The following BMS1 variants were observed in gnomAD, a reference collection of about 807,000 sequenced individuals.
BMS1 encodes the protein BMS1 ribosome biogenesis factor.
BMS1 carries 53 observed loss-of-function variants against 138.7 expected under a neutral mutation model. The ratio of observed to expected loss-of-function variants is 0.38; its 90% confidence interval spans 0.31 to 0.48. The LOEUF is 0.48. Among genes scored for constraint, BMS1 ranks in the 20% least tolerant of loss-of-function variants. The pLI, the probability that BMS1 is intolerant of heterozygous loss-of-function variation, is 0.97. For missense variants in BMS1, 1,360 were observed against 1,565.5 expected (o/e 0.87, Z 2.22); for synonymous variants, 504 against 539.9 (o/e 0.93, Z 0.92).
intron 12 of BMS1, among the ~76,000 whole-genome samples, chr10:42,800,531 T>A (rs1322657532): frequency 6.6e-6 from 1 of 151,186 alleles, no homozygotes; most frequent in African/African-American, 2.4e-5. Flanking sequence ...CTTGATTTTT[T>A]TTTTTTTTTT....
intron 5 of BMS1, 86 bp downstream of exon 5, chr10:42,790,597 T>C: frequency 7.1e-7 from 1 of 1,406,692 alleles, no homozygotes; most frequent in Non-Finnish European, 9.8e-7. Flanking sequence ...CTAACACCTG[T>C]AATCCCAGCA....
rs778378843 is a variant in BMS1 at position 42,823,281 on chromosome 10, A to G, written c.3280+16A>G. ...CTGATGAGCGGTGAGTGTCTTGAGT[A>G]GTGTTCAGGGCAGGGTGTTACCATT... On this transcript the variant is annotated intron_variant, in intron 20 of 22. Coordinates refer to ENST00000374518, the MANE Select transcript of BMS1 (RefSeq NM_014753.4). 19 of 1,554,128 alleles carry G rather than the reference A, an allele frequency of 1.2e-5. No homozygotes were observed. The highest frequency in any genetic ancestry group is 2.7e-5 in the African/African-American group (2 of 72,754).
intron 15 of BMS1, among the ~76,000 whole-genome samples, chr10:42,819,663 C>T (rs1474293278): frequency 6.6e-6 from 1 of 152,126 alleles, no homozygotes; most frequent in Non-Finnish European, 1.5e-5. Context: ...GGACTGGGGA[C>T]GTTTCCAGTG....
chr10:42,794,764 C>G (rs900104105), intron 9 of BMS1, among the ~76,000 whole-genome samples: 4 of 146,156 alleles, frequency 2.7e-5, no homozygotes, highest in African/African-American at 1.0e-4. Context: ...TCATTTCCTT[C>G]TTTTTTTTTT....
chr10:42,786,189 C>T (rs576256363), intron 3 of BMS1, among the ~76,000 whole-genome samples: 2 of 152,348 alleles, frequency 1.3e-5, no homozygotes, highest in Non-Finnish European at 2.9e-5. Flanking sequence ...GCACGCACCT[C>T]CTATGTGCCA....
intron 21 of BMS1, among the ~76,000 whole-genome samples, chr10:42,826,511 T>C (rs1256185134): frequency 3.3e-5 from 5 of 152,290 alleles, no homozygotes; most frequent in African/African-American, 1.2e-4. Flanking sequence ...CCCAGAATGA[T>C]GGAGCACTAC....
At chr10:42,818,907 A>G (rs1273118361) in intron 15 of BMS1, among the ~76,000 whole-genome samples, 2 of 152,162 alleles carry the variant, frequency 1.3e-5, no homozygotes, top group African/African-American at 4.8e-5. Flanking sequence ...CCAGTTGTAC[A>G]TGGAGGCGAA....
chr10:42,819,297 T>C (rs1316384086), intron 15 of BMS1, among the ~76,000 whole-genome samples: 1 of 149,984 alleles, frequency 6.7e-6, no homozygotes, highest in Non-Finnish European at 1.5e-5. Flanking sequence ...TAGAACTTTC[T>C]GTGATCATCG....
chr10:42,784,268 A>G, intron 1 of BMS1, 94 bp from the exon 2 acceptor site: 1 of 917,560 alleles, frequency 1.1e-6, no homozygotes, highest in Admixed American at 2.6e-5. Context: ...ATCTCTTCAT[A>G]AAGAAATAAA....
intron 21 of BMS1, among the ~76,000 whole-genome samples, chr10:42,828,183 TGTTCTGCCTG>T (rs1462591169): frequency 6.6e-6 from 1 of 152,256 alleles, no homozygotes; most frequent in Non-Finnish European, 1.5e-5. Flanking sequence ...GACGTAGATT[TGTTCTGCCTG>T]GTTTTGACTT....
chr10:42,804,126 TCTGTTAAC>T lies in BMS1; in HGVS notation c.2329+1914_2329+1921del, dbSNP rs534777064. Among the ~76,000 whole-genome samples the T allele has an allele frequency of 2.4e-4, 36 of 152,370 alleles. No individual in the cohort carries two copies. In the South Asian group the frequency reaches 7.2e-3, roughly 31 times the overall value. ...TGTATGATGTATAGCAATTTATTTA[TCTGTTAAC>T]CTGTTGATAAACAATTATTTCCAGG... On this transcript the variant is annotated intron_variant, in intron 13 of 22. Transcript: ENST00000374518.
rs1842807718 is a variant in BMS1, at chr10:42,831,892, T to C, written c.*796T>C. ...ATGTTGAAGTAATCATACTATTACATAGGCGATGTATGTATTTTATGATTG... is the reference window on the plus strand; with the variant it reads ...ATGTTGAAGTAATCATACTATTACACAGGCGATGTATGTATTTTATGATTG... On this transcript the variant is annotated 3_prime_UTR_variant, in exon 23 of 23. Coordinates refer to ENST00000374518, the MANE Select transcript of BMS1 (RefSeq NM_014753.4). 6.6e-6 allele frequency: 1 copy of C among 152,218 alleles called. No homozygotes were observed. Among genetic ancestry groups the C allele is most frequent in the Admixed American group, 6.5e-5 (1 of 15,284 alleles). 9.4% of individuals were successfully genotyped at this position (152,218 alleles called of 1,614,324 possible).
In BMS1 at chr10:42,820,268, T is replaced by C; in HGVS notation, c.2613T>C (p.Asp871=). 6.2e-7 allele frequency: 1 copy of C among 1,613,354 alleles called. No homozygotes were observed. Among genetic ancestry groups the C allele is most frequent in the South Asian group, 1.1e-5 (1 of 91,074 alleles). ...LNRAEFEDQD[D]EARVQYEGFR... ...GCGCAGAATTTGAAGATCAAGATGA[T>C]GAAGCCAGAGTTCAGTATGAGGGTT... The change falls in exon 16 of 23, where the codon GAT becomes GAC. Residue 871 remains aspartate (D), a synonymous_variant. Transcript: ENST00000374518.
chr10:42,796,403 C>T, intron 9 of BMS1, 71 bp from the exon 10 acceptor site: 10 of 1,436,834 alleles, frequency 7.0e-6, no homozygotes, highest in Non-Finnish European at 9.5e-6. Context: ...TTTTCATTGA[C>T]TATATTGCCA....
chr10:42,831,329 C>A lies in BMS1; in HGVS notation c.*233C>A. 1 of 455,480 alleles carries A rather than the reference C, an allele frequency of 2.2e-6. No individual in the cohort carries two copies. Among genetic ancestry groups the A allele is most frequent in the Non-Finnish European group, 3.9e-6 (1 of 256,332 alleles). The allele number at this position is 455,480 out of a possible 1,614,324, so 28.2% of individuals were successfully genotyped here. ...GATGTAAGCTGTGGTTATGTGGATT[C>A]TCTTACTTTCCTCTGCCTGCCTCAG... On this transcript the variant is annotated 3_prime_UTR_variant, in exon 23 of 23. Coordinates refer to ENST00000374518, the MANE Select transcript of BMS1 (RefSeq NM_014753.4).
rs796547541 is a variant in BMS1, at chr10:42,834,245, TTTTC to T, written c.*3153_*3156del. On this transcript the variant is annotated 3_prime_UTR_variant, in exon 23 of 23. Transcript: ENST00000374518. ...TCCTATTTGTGGATGTACTAGATTG[TTTTC>T]TTTTTTTAACAAAACCTGTGAACTT... 7.9e-4 allele frequency: 78 copies of T among 98,768 alleles called. No individual in the cohort carries two copies. Among genetic ancestry groups the T allele is most frequent in the African/African-American group, 3.1e-3 (65 of 21,082 alleles). The allele number at this position is 98,768 out of a possible 1,614,324, so 6.1% of individuals were successfully genotyped here.
intron 18 of BMS1, 117 bp downstream of exon 18, chr10:42,821,109 A>G (rs1197775585): frequency 1.1e-6 from 1 of 880,492 alleles, no homozygotes; most frequent in East Asian, 2.5e-5. Flanking sequence ...AATACAAAGT[A>G]AATTTCCCTT....
At chr10:42,783,774 A>G (rs1413566636) in intron 1 of BMS1, among the ~76,000 whole-genome samples, 1 of 152,204 alleles carries the variant, frequency 6.6e-6, no homozygotes, top group African/African-American at 2.4e-5. Flanking sequence ...ATGTATGTAG[A>G]TAAGTTGTAA....
rs372840240 is a variant in BMS1, at chr10:42,823,724, G to A, written c.3396G>A (p.Thr1132=). Residue 1132 remains threonine (T), a synonymous_variant, in exon 21 of 23, where the codon ACG becomes ACA. Coordinates refer to ENST00000374518, the MANE Select transcript of BMS1 (RefSeq NM_014753.4). The part of the protein sequence containing the change: ...EKDTWSGMRT[T]GQLRLAHGVR... ...ACACCTGGTCAGGAATGCGGACCAC[G>A]GGCCAACTCAGGCTCGCCCATGGCG... 1.6e-5 allele frequency: 26 copies of A among 1,595,842 alleles called. No homozygotes were observed. Among genetic ancestry groups the A allele is most frequent in the East Asian group, 1.1e-4 (5 of 44,878 alleles).
Sources: gnomAD v4.1 joint callset for allele counts (sites outside exome capture counted in the v4.1 genomes callset) on GRCh38, gnomAD v4.1.1 for gene constraint, MANE v1.5 for transcripts, NCBI Gene and HGNC (gene_info 2026-07-23, HGNC 2026-07-21) for gene names.